Variants in GALNT10 observed in about 807,000 individuals in gnomAD.
The protein encoded by GALNT10 is GalNAc transferase 10.
In GALNT10, 41 loss-of-function variants were observed where a neutral mutation model predicts 75.0. That is an observed-to-expected ratio of 0.55 (90% CI 0.43 to 0.71). GALNT10 has a LOEUF of 0.71. Ranked by LOEUF, GALNT10 falls within the 30% of genes least tolerant of loss-of-function variation. The probability of loss-of-function intolerance (pLI) is 0.00; values close to 1 mark genes in which losing one functional copy is unlikely to be tolerated. For missense variants in GALNT10, 727 were observed against 818.5 expected (o/e 0.89, Z 1.36); for synonymous variants, 302 against 313.0 (o/e 0.96, Z 0.37).
chr5:154,336,708 A>C (rs1754949713), intron 4 of GALNT10, among the ~76,000 whole-genome samples: 1 of 152,148 alleles, frequency 6.6e-6, no homozygotes, highest in South Asian at 2.1e-4. Context: ...CCACTGAGGA[A>C]ATTCATGTTT....
At chr5:154,272,490 A>G (rs1269527115) in intron 1 of GALNT10, among the ~76,000 whole-genome samples, 1 of 152,188 alleles carries the variant, frequency 6.6e-6, no homozygotes, top group African/African-American at 2.4e-5. Context: ...AGCCAGGGTT[A>G]CCTGTGGGTG....
At position 154,420,806 on chromosome 5, in the gene GALNT10, A is replaced by G. The variant is rs1756613517; in HGVS notation, c.*3834A>G. On this transcript the variant is annotated 3_prime_UTR_variant, in exon 12 of 12. Transcript: ENST00000297107. ...CTCTGTTATTGGCTTGAAGACTAGG[A>G]TCCCAAAGGGGTTGGAGGCAGGGAA... 1 of 152,166 alleles carries G rather than the reference A, an allele frequency of 6.6e-6. No homozygotes were observed. The highest frequency in any genetic ancestry group is 1.5e-5 in the Non-Finnish European group (1 of 68,032). 9.4% of individuals were successfully genotyped at this position (152,166 alleles called of 1,614,324 possible). A position where few individuals can be genotyped will look rare whatever the true frequency, so the allele number is the denominator to read the frequency against.
intron 1 of GALNT10, among the ~76,000 whole-genome samples, chr5:154,223,429 C>A (rs1268376521): frequency 6.6e-6 from 1 of 152,178 alleles, no homozygotes; most frequent in Non-Finnish European, 1.5e-5. Flanking sequence ...AACCTTTGGG[C>A]TAAATTGCCT....
chr5:154,331,274 G>T (rs1754859910), intron 4 of GALNT10, among the ~76,000 whole-genome samples: 1 of 152,102 alleles, frequency 6.6e-6, no homozygotes, highest in African/African-American at 2.4e-5. Flanking sequence ...AGTACTAACA[G>T]TAAGCCTTGA....
Position 154,393,075 on chromosome 5 carries a change from A to AAAAAC in GALNT10, c.1056+6648_1056+6649insACAAA, listed in dbSNP as rs1432597513. The AAAAAC allele has an allele frequency of 3.8e-4, 58 of 150,964 alleles. 1 individual carries two copies. The highest frequency in any genetic ancestry group is 1.4e-3 in the African/African-American group (57 of 41,036). 9.4% of individuals were successfully genotyped at this position (150,964 alleles called of 1,614,324 possible). ...GTCTCCACAAAAAAAAAAAAAAAAA[A>AAAAAC]AAACCCATTTTTTTTCAGACAGGAT... On this transcript the variant is annotated intron_variant, in intron 7 of 11. Coordinates refer to ENST00000297107, the MANE Select transcript of GALNT10 (RefSeq NM_198321.4).
chr5:154,388,252 C>A (rs1444225450), intron 7 of GALNT10: 1 of 152,118 alleles, frequency 6.6e-6, no homozygotes, highest in Non-Finnish European at 1.5e-5. Context: ...AGACCAGCCC[C>A]CTAAATAAAA....
At chr5:154,194,494 A>T (rs755355651) in intron 1 of GALNT10, among the ~76,000 whole-genome samples, 3 of 152,194 alleles carry the variant, frequency 2.0e-5, no homozygotes, top group Non-Finnish European at 4.4e-5. Flanking sequence ...ATTTGCCAGA[A>T]CAAATCCGGC....
At chr5:154,325,497 A>T (rs1754743580) in intron 3 of GALNT10, among the ~76,000 whole-genome samples, 1 of 152,242 alleles carries the variant, frequency 6.6e-6, no homozygotes, top group Non-Finnish European at 1.5e-5. Context: ...TCAGCAATAT[A>T]TAAGAAAGTT....
intron 4 of GALNT10, among the ~76,000 whole-genome samples, chr5:154,375,757 T>A (rs1053380914): frequency 6.6e-6 from 1 of 152,198 alleles, no homozygotes; most frequent in African/African-American, 2.4e-5. Flanking sequence ...CATTTTTCAA[T>A]AATGCTGCAG....
At chr5:154,354,321 G>T (rs7707458) in intron 4 of GALNT10, among the ~76,000 whole-genome samples, 2,061 of 152,234 alleles carry the variant, frequency 0.014, 43 homozygotes, top group African/African-American at 0.048. Flanking sequence ...CGATGGTGAG[G>T]ATAAAAGGGA....
intron 1 of GALNT10, among the ~76,000 whole-genome samples, chr5:154,279,293 GTTGTTGTTTTGTTT>G (rs992499684): frequency 7.2e-6 from 1 of 138,926 alleles, no homozygotes; most frequent in African/African-American, 2.8e-5. Flanking sequence ...TGTTGTTGTT[GTTGTTGTTTTGTTT>G]TTTTTTTTTT....
chr5:154,344,368 T>C (rs1373004333), intron 4 of GALNT10, among the ~76,000 whole-genome samples: 7 of 151,918 alleles, frequency 4.6e-5, no homozygotes, highest in Admixed American at 4.6e-4. Context: ...CGCACCACCA[T>C]GCCCGGCTAA....
At chr5:154,343,343 C>G (rs1755064261) in intron 4 of GALNT10, among the ~76,000 whole-genome samples, 2 of 152,200 alleles carry the variant, frequency 1.3e-5, no homozygotes, top group Non-Finnish European at 2.9e-5. Flanking sequence ...GAGGGGAAAG[C>G]TCTCCTTCAA....
chr5:154,259,692 G>A (rs1245869543), intron 1 of GALNT10, among the ~76,000 whole-genome samples: 1 of 152,114 alleles, frequency 6.6e-6, no homozygotes. Context: ...AAGTCTCTGT[G>A]GAATGCTGGT....
intron 3 of GALNT10, among the ~76,000 whole-genome samples, chr5:154,322,009 T>G (rs557333968): frequency 1.3e-5 from 2 of 152,318 alleles, no homozygotes; most frequent in East Asian, 3.9e-4. Context: ...GTGTATTTGT[T>G]TTCTATAGCT....
At chr5:154,384,619 C>T (rs1417336227) in intron 6 of GALNT10, among the ~76,000 whole-genome samples, 1 of 152,200 alleles carries the variant, frequency 6.6e-6, no homozygotes. Flanking sequence ...TGGTTAAACG[C>T]TGCATCTCAG....
intron 4 of GALNT10, among the ~76,000 whole-genome samples, chr5:154,357,201 G>A (rs559940863): frequency 1.1e-4 from 17 of 152,222 alleles, no homozygotes; most frequent in Middle Eastern, 3.4e-3. Flanking sequence ...GGGAACTACC[G>A]GGAAACAACA....
At chr5:154,224,304 A>T (rs1485965647) in intron 1 of GALNT10, among the ~76,000 whole-genome samples, 2 of 152,222 alleles carry the variant, frequency 1.3e-5, no homozygotes, top group Non-Finnish European at 2.9e-5. Context: ...ACAAGAAAGG[A>T]TAAATACATA....
chr5:154,192,999 T>G (rs1774882790), intron 1 of GALNT10, among the ~76,000 whole-genome samples: 1 of 152,112 alleles, frequency 6.6e-6, no homozygotes, highest in Non-Finnish European at 1.5e-5. Context: ...GGCAGACTTT[T>G]GGGCAGGGAG....
Sources: gnomAD v4.1 joint callset for allele counts (sites outside exome capture counted in the v4.1 genomes callset) on GRCh38, gnomAD v4.1.1 for gene constraint, MANE v1.5 for transcripts, NCBI Gene and HGNC (gene_info 2026-07-23, HGNC 2026-07-21) for gene names.